Variants in SP140L observed in about 807,000 individuals in gnomAD.
The protein encoded by SP140L is nuclear body protein SP140-like protein.
In SP140L, 64 loss-of-function variants were observed where a neutral mutation model predicts 84.3. The ratio of observed to expected loss-of-function variants is 0.76; its 90% CI spans 0.62 to 0.94. The LOEUF (loss-of-function observed/expected upper bound fraction) is 0.94. Ranked by LOEUF, SP140L falls within the 40% of genes least tolerant of loss-of-function variation. The pLI is 0.00. For missense variants in SP140L, 628 were observed against 692.5 expected (o/e 0.91, Z 1.05); for synonymous variants, 242 against 236.9 (o/e 1.02, Z -0.20).
chr2:230,340,535 T>A (rs1375825504), intron 2 of SP140L, among the ~76,000 whole-genome samples: 18 of 142,004 alleles, frequency 1.3e-4, no homozygotes. Flanking sequence ...CCTGTCATTA[T>A]GATGTTAGCT....
At chr2:230,384,819 G>A (rs2149796101) in intron 8 of SP140L, among the ~76,000 whole-genome samples, 1 of 152,236 alleles carries the variant, frequency 6.6e-6, no homozygotes, top group East Asian at 1.9e-4. Context: ...GGCTGAGGCA[G>A]GAGAATCACT....
intron 5 of SP140L, among the ~76,000 whole-genome samples, chr2:230,369,834 A>G (rs2060997300): frequency 6.6e-6 from 1 of 152,204 alleles, no homozygotes; most frequent in Non-Finnish European, 1.5e-5. Flanking sequence ...CAGTGGCACA[A>G]TCTTGGCTCA....
chr2:230,340,149 G>T (rs1361331769), intron 2 of SP140L, among the ~76,000 whole-genome samples: 1 of 151,466 alleles, frequency 6.6e-6, no homozygotes, highest in South Asian at 2.1e-4. Flanking sequence ...GGTCACTCAG[G>T]ACTTGCTTTA....
chr2:230,341,493 G>A (rs962731478), intron 2 of SP140L, among the ~76,000 whole-genome samples: 4 of 149,024 alleles, frequency 2.7e-5, no homozygotes, highest in African/African-American at 1.0e-4. Flanking sequence ...CTCTCAGCTC[G>A]TCAAAGTCAT....
chr2:230,351,422 G>A (rs573191343), intron 2 of SP140L, among the ~76,000 whole-genome samples: 90 of 148,006 alleles, frequency 6.1e-4, no homozygotes, highest in African/African-American at 2.1e-3. Context: ...ATGTTGGAGG[G>A]ATTGTTTGTT....
chr2:230,357,322 A>G (rs955650953), intron 2 of SP140L, among the ~76,000 whole-genome samples: 2 of 152,204 alleles, frequency 1.3e-5, no homozygotes, highest in African/African-American at 2.4e-5. Flanking sequence ...TTTATGATAT[A>G]TGATGGTATT....
At position 230,342,389 on chromosome 2, in the gene SP140L, G is replaced by C. The variant is rs1240332129; in HGVS notation, c.107+13558G>C. On this transcript the variant is annotated intron_variant, in intron 2 of 18. Coordinates refer to ENST00000415673, the MANE Select transcript of SP140L (RefSeq NM_138402.6). The stretch of plus-strand genomic sequence containing the variant: ...GTGCACCCACTGACCTGCGCCCACT[G>C]TCTGGCACTCTCTAGTGAGATGAAC... Among the ~76,000 whole-genome samples the C allele has an allele frequency of 3.9e-5, 6 of 152,216 alleles. No homozygotes were observed. In the South Asian group the frequency reaches 1.0e-3, roughly 26 times the overall value.
rs267599255 is a variant in SP140L at position 230,383,510 on chromosome 2, G to A, written c.638G>A (p.Arg213Lys). Residue 213 changes from arginine (R) to lysine (K), a missense_variant and splice_region_variant, in exon 8 of 19, where the codon AGA (arginine) becomes AAA (lysine). By Grantham distance (26) the Arg-to-Lys change is conservative. This residue lies in a region of SP140L where 525 missense variants were observed against 518.4 expected (regional missense o/e 1.01). Coordinates refer to ENST00000415673, the MANE Select transcript of SP140L (RefSeq NM_138402.6). ...TAACTTTATTCTCTTTGGTTTGAAG[G>A]AAAAAAGAAGGGGCATGGCTGGAGC... ...STLGKPKRKRRKKKGHGWSRM... is the reference protein window; with the variant it reads ...STLGKPKRKRKKKKGHGWSRM... 249 of 1,601,662 alleles carry A rather than the reference G, an allele frequency of 1.6e-4. 2 individuals are homozygous for A. The South Asian group carries it at 2.8e-3, about 18-fold the overall frequency.
Position 230,354,135 on chromosome 2 carries a change from C to G in SP140L, c.108-3670C>G, listed in dbSNP as rs186743568. Among the ~76,000 whole-genome samples the G allele has an allele frequency of 1.8e-3, 278 of 152,186 alleles. 3 individuals carry two copies. Among genetic ancestry groups the G allele is most frequent in the Non-Finnish European group, 1.9e-4 (13 of 67,992 alleles). ...AATATTTCTGTTTCTCCTGGGGTAA[C>G]TTTTTCCTCTTTTTCCTTACACTAG... On this transcript the variant is annotated intron_variant, in intron 2 of 18. Coordinates refer to ENST00000415673, the MANE Select transcript of SP140L (RefSeq NM_138402.6).
rs79286785 is a variant in SP140L at position 230,332,612 on chromosome 2, C to A, written c.107+3781C>A. 6.8e-4 allele frequency among the ~76,000 whole-genome samples: 104 copies of A among 152,346 alleles called. 1 individual carries two copies. The South Asian group carries it at 9.7e-3, about 14-fold the overall frequency. ...ATGATGTTCATAACCAAGTCATATA[C>A]TATGTGATGATCACATTTCCTTTCC... is the stretch of plus-strand genomic sequence containing the variant. On this transcript the variant is annotated intron_variant, in intron 2 of 18. Transcript: ENST00000415673.
At chr2:230,350,785 G>C (rs1388919307) in intron 2 of SP140L, among the ~76,000 whole-genome samples, 1 of 152,094 alleles carries the variant, frequency 6.6e-6, no homozygotes, top group East Asian at 1.9e-4. Context: ...AGATAGGTTG[G>C]TCAAAGAAAA....
intron 7 of SP140L, among the ~76,000 whole-genome samples, chr2:230,376,521 C>A (rs1335380723): frequency 1.3e-5 from 2 of 151,980 alleles, no homozygotes; most frequent in African/African-American, 4.8e-5. Context: ...CAAATTTAAC[C>A]AGAGGTGAAA....
Position 230,357,940 on chromosome 2 carries a change from G to T in SP140L, c.243G>T (p.Arg81=), listed in dbSNP as rs10498250. The change falls in exon 3 of 19, where the codon CGG becomes CGT. Residue 81 remains arginine, a synonymous_variant. Coordinates refer to ENST00000415673, the MANE Select transcript of SP140L (RefSeq NM_138402.6). ...CATTCCTTGAGGGCCTCCGCGATCG[G>T]GAACTCATCACAAATAAAATGTTTG... is the stretch of plus-strand genomic sequence containing the variant. ...TFPFLEGLRD[R]ELITNKMFED... is the part of the protein sequence containing the mutation. 183,940 of 1,612,694 alleles carry T rather than the reference G, an allele frequency of 0.11. 10,950 individuals are homozygous for T. Among genetic ancestry groups the T allele is most frequent in the Middle Eastern group, 0.15 (903 of 6,060 alleles).
chr2:230,380,243 T>C (rs1358101133), intron 7 of SP140L, among the ~76,000 whole-genome samples: 1 of 152,092 alleles, frequency 6.6e-6, no homozygotes, highest in African/African-American at 2.4e-5. Flanking sequence ...TTCACTACCA[T>C]GAGAACAGTA....
intron 2 of SP140L, among the ~76,000 whole-genome samples, chr2:230,346,688 A>T (rs1056174006): frequency 6.6e-6 from 1 of 151,846 alleles, no homozygotes; most frequent in Non-Finnish European, 1.5e-5. Context: ...TAAATTGTTC[A>T]GTTCAGTCAT....
chr2:230,396,798 T>A lies in SP140L; in HGVS notation c.1197T>A (p.Cys399Ter). Residue 399 changes from cysteine to a stop codon, truncating the protein, a stop_gained and splice_region_variant, in exon 14 of 19, where the codon TGT becomes TGA. Coordinates refer to ENST00000415673, the MANE Select transcript of SP140L (RefSeq NM_138402.6). LOFTEE classifies it high-confidence loss of function. ...AAAACAATAGCTCAGTTGACCCTTG[T>A]GTAAGTATAAATTCTGAACTACAAC... ...KSQNNSSVDP[C>*]MRNLDECEVC... 1 of 1,614,014 alleles carries A rather than the reference T, an allele frequency of 6.2e-7. No individual in the cohort carries two copies. The highest frequency in any genetic ancestry group is 8.5e-7 in the Non-Finnish European group (1 of 1,179,918).
intron 2 of SP140L, among the ~76,000 whole-genome samples, chr2:230,346,861 G>A (rs1253370162): frequency 6.6e-6 from 1 of 152,216 alleles, no homozygotes; most frequent in African/African-American, 2.4e-5. Flanking sequence ...CTGAATGTCA[G>A]TTAGCTCATA....
At chr2:230,390,162 T>G in intron 11 of SP140L, 139 bp downstream of exon 11, 3 of 702,752 alleles carry the variant, frequency 4.3e-6, no homozygotes, top group Non-Finnish European at 7.2e-6. Flanking sequence ...AAGGGATCCC[T>G]AAGATGACAT....
chr2:230,380,585 A>G (rs1007372643), intron 7 of SP140L, among the ~76,000 whole-genome samples: 1 of 152,224 alleles, frequency 6.6e-6, no homozygotes, highest in African/African-American at 2.4e-5. Flanking sequence ...TTATCAAGAT[A>G]CAGAACATGA....
Sources: gnomAD v4.1 joint callset for allele counts (sites outside exome capture counted in the v4.1 genomes callset) on GRCh38, gnomAD v4.1.1 for gene constraint, gnomAD v4.1.1 regional missense constraint, MANE v1.5 for transcripts, NCBI Gene and HGNC (gene_info 2026-07-23, HGNC 2026-07-21) for gene names.